POU2F1: variants seen among roughly 807,000 people sequenced by gnomAD.
POU2F1 encodes the protein POU domain, class 2, transcription factor 1.
A neutral mutation model predicts 84.9 loss-of-function variants in POU2F1; 16 were observed. That is an observed-to-expected ratio of 0.19 (90% CI 0.13 to 0.29). The LOEUF (loss-of-function observed/expected upper bound fraction) is 0.29, where lower values mean the gene tolerates loss of function less well. Ranked by LOEUF, POU2F1 falls within the 10% of genes least tolerant of loss-of-function variation. The pLI, the probability that POU2F1 is intolerant of heterozygous loss-of-function variation, is 1.00. For synonymous variants in POU2F1, 368 were observed against 368.3 expected, an observed-to-expected ratio of 1.00 and a Z score of 0.01; for missense variants, 738 against 942.6, an observed-to-expected ratio of 0.78 and a Z score of 2.84.
chr1:167,381,443 C>G (rs987406318), intron 7 of POU2F1, among the ~76,000 whole-genome samples: 2 of 151,928 alleles, frequency 1.3e-5, no homozygotes, highest in Admixed American at 6.6e-5. Flanking sequence ...TTTCAGCTGA[C>G]CTTGTTTGGG....
Position 167,419,226 on chromosome 1 carries a change from G to A in POU2F1, c.*3416G>A, listed in dbSNP as rs561115924. 2 of 152,134 alleles carry A rather than the reference G, an allele frequency of 1.3e-5. No individual in the cohort carries two copies. Among genetic ancestry groups the A allele is most frequent in the Admixed American group, 6.5e-5 (1 of 15,280 alleles). The allele number at this position is 152,134 out of a possible 1,614,324, so 9.4% of individuals were successfully genotyped here. A position where few individuals can be genotyped will look rare whatever the true frequency, so the allele number is the denominator to read the frequency against. On this transcript the variant is annotated 3_prime_UTR_variant, in exon 16 of 16. Coordinates refer to ENST00000367866, the MANE Select transcript of POU2F1 (RefSeq NM_002697.4). ...ATATGGGAGAGCCTGGAAACTAAAG[G>A]GGACCAGGGACCATTTGACCAAAAG...
chr1:167,384,757 C>T (rs570712342), intron 8 of POU2F1, among the ~76,000 whole-genome samples: 2 of 151,550 alleles, frequency 1.3e-5, no homozygotes, highest in South Asian at 2.1e-4. Flanking sequence ...TCATACTTCA[C>T]GAAAAACTGA....
At chr1:167,373,161 A>G (rs370148318) in intron 5 of POU2F1, among the ~76,000 whole-genome samples, 28 of 152,156 alleles carry the variant, frequency 1.8e-4, no homozygotes, top group African/African-American at 6.0e-4. Flanking sequence ...TAATGCACAA[A>G]TTGTGTTTGA....
chr1:167,381,927 T>A (rs1647597695), intron 7 of POU2F1, among the ~76,000 whole-genome samples: 2 of 152,068 alleles, frequency 1.3e-5, no homozygotes, highest in Non-Finnish European at 2.9e-5. Context: ...TTTTTATTAT[T>A]GTTTTTGAAT....
chr1:167,263,779 T>G (rs188799053), intron 1 of POU2F1, among the ~76,000 whole-genome samples: 4 of 152,318 alleles, frequency 2.6e-5, no homozygotes, highest in Admixed American at 2.6e-4. Flanking sequence ...AAACTATTCT[T>G]AAGACTCCTT....
intron 2 of POU2F1, among the ~76,000 whole-genome samples, chr1:167,357,963 C>T (rs1371741212): frequency 6.6e-6 from 1 of 150,990 alleles, no homozygotes; most frequent in Non-Finnish European, 1.5e-5. Flanking sequence ...ATCACTACAC[C>T]CAGCTAATTT....
chr1:167,387,289 G>T (rs573801337), intron 8 of POU2F1: 1 of 452,546 alleles, frequency 2.2e-6, no homozygotes, highest in African/African-American at 2.0e-5. Context: ...TGAGAATGGG[G>T]CTACTTCAGG....
At chr1:167,270,779 C>T (rs180901359) in intron 1 of POU2F1, among the ~76,000 whole-genome samples, 1 of 152,290 alleles carries the variant, frequency 6.6e-6, no homozygotes, top group Non-Finnish European at 1.5e-5. Context: ...TGCATTTAAA[C>T]ACTTGTTTGT....
intron 1 of POU2F1, among the ~76,000 whole-genome samples, chr1:167,291,044 GAAAA>G (rs56798282): frequency 8.5e-5 from 10 of 117,402 alleles, no homozygotes; most frequent in African/African-American, 2.1e-4. Context: ...GACCCTGTCA[GAAAA>G]AAAAAAAAAA....
chr1:167,330,317 A>G (rs545345862), intron 1 of POU2F1, among the ~76,000 whole-genome samples: 2 of 152,288 alleles, frequency 1.3e-5, no homozygotes, highest in African/African-American at 4.8e-5. Context: ...TACTTCTGAA[A>G]ACGTTTGAAT....
chr1:167,288,297 A>G (rs1653676389), intron 1 of POU2F1, among the ~76,000 whole-genome samples: 1 of 152,218 alleles, frequency 6.6e-6, no homozygotes, highest in African/African-American at 2.4e-5. Context: ...GTGTTTTCTT[A>G]TTCCATTGTG....
At chr1:167,336,956 A>G (rs1657501793) in intron 2 of POU2F1, among the ~76,000 whole-genome samples, 1 of 152,152 alleles carries the variant, frequency 6.6e-6, no homozygotes, top group Non-Finnish European at 1.5e-5. Context: ...ACCTGAGGTC[A>G]GGAGTTTGAG....
chr1:167,318,669 G>A (rs1656092958), intron 1 of POU2F1, among the ~76,000 whole-genome samples: 1 of 152,192 alleles, frequency 6.6e-6, no homozygotes. Flanking sequence ...AGCCAAGATT[G>A]ATAGCGAGGG....
At chr1:167,239,580 T>C (rs1177177751) in intron 1 of POU2F1, among the ~76,000 whole-genome samples, 1 of 152,224 alleles carries the variant, frequency 6.6e-6, no homozygotes, top group Non-Finnish European at 1.5e-5. Flanking sequence ...ACCCTCACTT[T>C]TATGCTCATT....
chr1:167,313,571 G>T (rs1293381797), intron 1 of POU2F1, among the ~76,000 whole-genome samples: 1 of 152,086 alleles, frequency 6.6e-6, no homozygotes, highest in African/African-American at 2.4e-5. Flanking sequence ...ATTCAATGGA[G>T]TAAGGACAGT....
intron 1 of POU2F1, among the ~76,000 whole-genome samples, chr1:167,237,593 A>T (rs1005882219): frequency 6.6e-6 from 1 of 151,892 alleles, no homozygotes; most frequent in Admixed American, 6.6e-5. Flanking sequence ...ACACAAAGTC[A>T]TTTTGTACTA....
intron 1 of POU2F1, among the ~76,000 whole-genome samples, chr1:167,288,534 T>G (rs992203211): frequency 6.6e-6 from 1 of 152,068 alleles, no homozygotes; most frequent in African/African-American, 2.4e-5. Flanking sequence ...ACAAAAACAG[T>G]TAAAAATTAG....
chr1:167,396,116 C>T (rs1237714037), intron 9 of POU2F1, among the ~76,000 whole-genome samples, 170 bp from the exon 10 acceptor site: 1 of 152,094 alleles, frequency 6.6e-6, no homozygotes, highest in African/African-American at 2.4e-5. Flanking sequence ...CTCACAGTAA[C>T]ACTGTGACTG....
At chr1:167,275,598 T>C (rs1652674588) in intron 1 of POU2F1, among the ~76,000 whole-genome samples, 1 of 152,162 alleles carries the variant, frequency 6.6e-6, no homozygotes, top group African/African-American at 2.4e-5. Flanking sequence ...GGCGAGATTA[T>C]GGGATCTTAA....
Sources: gnomAD v4.1 joint callset for allele counts (sites outside exome capture counted in the v4.1 genomes callset) on GRCh38, gnomAD v4.1.1 for gene constraint, MANE v1.5 for transcripts, NCBI Gene and HGNC (gene_info 2026-07-23, HGNC 2026-07-21) for gene names.